GFRAL: variants seen among roughly 807,000 people sequenced by gnomAD.
GFRAL encodes GDNF family receptor alpha like.
Under a neutral mutation model 45.4 loss-of-function variants are expected in GFRAL, and 36 were observed. The ratio of observed to expected loss-of-function variants is 0.79; its 90% CI spans 0.61 to 1.05. The LOEUF (loss-of-function observed/expected upper bound fraction) is 1.05. Among genes scored for constraint, GFRAL ranks in the 50% least tolerant of loss-of-function variants. The pLI is 0.00. For missense variants in GFRAL, 507 were observed against 467.5 expected (o/e 1.08, Z -0.78); for synonymous variants, 166 against 154.1 (o/e 1.08, Z -0.57).
chr6:55,351,486 A>T lies in GFRAL; in HGVS notation c.604A>T (p.Lys202Ter). The T allele has an allele frequency of 6.2e-7, 1 of 1,613,610 alleles. No homozygotes were observed. The highest frequency in any genetic ancestry group is 8.5e-7 in the Non-Finnish European group (1 of 1,179,718). The change falls in exon 5 of 9, where the codon AAA (lysine) becomes TAA (stop). Residue 202 changes from lysine (K) to a stop codon, truncating the protein, a stop_gained. Coordinates refer to ENST00000340465, the MANE Select transcript of GFRAL (RefSeq NM_207410.2). LOFTEE classifies it high-confidence loss of function. ...ATCTGATATACCTTGTCAGCAGTCC[A>T]AAGAAGCTCTTCACAGCAAGACATG... ...AQSDIPCQQS[K>*]EALHSKTCAV... is the part of the protein sequence containing the mutation.
chr6:55,386,051 C>T (rs1204996158), intron 6 of GFRAL, among the ~76,000 whole-genome samples: 4 of 152,034 alleles, frequency 2.6e-5, no homozygotes, highest in Admixed American at 2.6e-4. Flanking sequence ...CCACCAATAA[C>T]TTTCCTTTCC....
At chr6:55,362,967 G>C (rs1404098001) in intron 6 of GFRAL, among the ~76,000 whole-genome samples, 3 of 150,362 alleles carry the variant, frequency 2.0e-5, no homozygotes, top group Non-Finnish European at 4.4e-5. Context: ...GAGGAGAAGG[G>C]GGAGGAGGGG....
rs563010794 is a variant in GFRAL at position 55,344,764 on chromosome 6, G to C, written c.317-5328G>C. Among the ~76,000 whole-genome samples the C allele has an allele frequency of 2.0e-5, 3 of 152,300 alleles. No individual in the cohort carries two copies. The South Asian group carries it at 6.2e-4, about 32-fold the overall frequency. ...GAAAGTCAAATTGTCCCTGTTTGCA[G>C]ATGACATGACTGTATATTTAGAAAA... On this transcript the variant is annotated intron_variant, in intron 3 of 8. Coordinates refer to ENST00000340465, the MANE Select transcript of GFRAL (RefSeq NM_207410.2).
At chr6:55,389,327 AG>A (rs1768718402) in intron 6 of GFRAL, among the ~76,000 whole-genome samples, 1 of 152,064 alleles carries the variant, frequency 6.6e-6, no homozygotes, top group Non-Finnish European at 1.5e-5. Flanking sequence ...GGTATAGAAA[AG>A]TATTTGAAAT....
chr6:55,335,918 T>TATTTC (rs1327957854), intron 3 of GFRAL, among the ~76,000 whole-genome samples: 1 of 146,960 alleles, frequency 6.8e-6, no homozygotes, highest in South Asian at 2.1e-4. Flanking sequence ...TATTTTATTT[T>TATTTC]ATTTTATTTT....
At chr6:55,372,645 G>A (rs900927420) in intron 6 of GFRAL, among the ~76,000 whole-genome samples, 5 of 152,090 alleles carry the variant, frequency 3.3e-5, no homozygotes, top group Admixed American at 1.3e-4. Flanking sequence ...TTTATGGTTC[G>A]ATGGTGGCAA....
Position 55,399,420 on chromosome 6 carries a change from T to C in GFRAL, c.1100T>C (p.Leu367Pro). Residue 367 changes from leucine to proline, a missense_variant, in exon 8 of 9, where the codon CTG becomes CCG. Coordinates refer to ENST00000340465, the MANE Select transcript of GFRAL (RefSeq NM_207410.2). ...MCMTVTCGIL[L>P]LVMVKLRTSR... ...ATGACAGTCACCTGTGGAATCCTTC[T>C]GTTGGTTATGGTCAAGCTTAGGTAA... The C allele has an allele frequency of 6.2e-7, 1 of 1,609,768 alleles. No individual in the cohort carries two copies. Among genetic ancestry groups the C allele is most frequent in the East Asian group, 2.2e-5 (1 of 44,790 alleles).
At chr6:55,362,280 A>C (rs1345591497) in intron 6 of GFRAL, among the ~76,000 whole-genome samples, 1 of 151,554 alleles carries the variant, frequency 6.6e-6, no homozygotes, top group Non-Finnish European at 1.5e-5. Flanking sequence ...TAATGAAAAA[A>C]AAAAAAACAG....
rs140324390 is a variant in GFRAL at position 55,359,072 on chromosome 6, A to C, written c.886A>C (p.Ile296Leu). 7 of 1,612,790 alleles carry C rather than the reference A, an allele frequency of 4.3e-6. No individual in the cohort carries two copies. In the African/African-American group the frequency reaches 6.7e-5, roughly 15 times the overall value. ...TCAAGTGCAATGTACCTGTAGGACCATTACACAAAGTGAGGAATCTTTGTG... is the reference window on the plus strand; with the variant it reads ...TCAAGTGCAATGTACCTGTAGGACCCTTACACAAAGTGAGGAATCTTTGTG... The part of the protein sequence containing the change: ...VLQVQCTCRT[I>L]TQSEESLCKI... Residue 296 changes from isoleucine to leucine, a missense_variant, in exon 6 of 9, where the codon ATT becomes CTT. By Grantham distance (5) the Ile-to-Leu change is conservative. Transcript: ENST00000340465.
rs757721146 is a variant in GFRAL, at chr6:55,351,471, C to T, written c.589C>T (p.Pro197Ser). 1.2e-6 allele frequency: 2 copies of T among 1,613,424 alleles called. No homozygotes were observed. The highest frequency in any genetic ancestry group is 1.7e-6 in the Non-Finnish European group (2 of 1,179,546). The change falls in exon 5 of 9, where the codon CCT (proline) becomes TCT (serine). Residue 197 changes from proline to serine, a missense_variant. By Grantham distance (74) the Pro-to-Ser change is moderately conservative (BLOSUM62 -1). Transcript: ENST00000340465. Reference sequence around the variant, plus strand: ...TTGTGACTGTGCTCAATCTGATATACCTTGTCAGCAGTCCAAAGAAGCTCT... The same window carrying T: ...TTGTGACTGTGCTCAATCTGATATATCTTGTCAGCAGTCCAAAGAAGCTCT... ...AFCDCAQSDI[P>S]CQQSKEALHS...
At chr6:55,348,233 A>AATGT (rs201532926) in intron 3 of GFRAL, among the ~76,000 whole-genome samples, 1,962 of 60,696 alleles carry the variant, frequency 0.032, 23 homozygotes, top group Non-Finnish European at 0.062. Context: ...TCTGGGAAAA[A>AATGT]ATGAGTGTGT....
At chr6:55,387,973 A>G (rs370940685) in intron 6 of GFRAL, among the ~76,000 whole-genome samples, 3 of 152,288 alleles carry the variant, frequency 2.0e-5, no homozygotes, top group East Asian at 3.9e-4. Flanking sequence ...AGAATGTAGA[A>G]TGGATGAAAG....
intron 3 of GFRAL, among the ~76,000 whole-genome samples, chr6:55,334,638 C>A (rs1007028850): frequency 6.6e-6 from 1 of 152,162 alleles, no homozygotes; most frequent in Non-Finnish European, 1.5e-5. Context: ...TCAACCTTCT[C>A]TCACTTTACA....
intron 6 of GFRAL, among the ~76,000 whole-genome samples, chr6:55,394,083 A>C (rs187578078): frequency 1.5e-3 from 233 of 152,260 alleles, no homozygotes; most frequent in Non-Finnish European, 2.0e-3. Flanking sequence ...GAAAGAAGGG[A>C]AAAAATCTAG....
chr6:55,350,443 G>A (rs559909901), intron 4 of GFRAL, among the ~76,000 whole-genome samples: 5 of 152,230 alleles, frequency 3.3e-5, no homozygotes, highest in African/African-American at 1.2e-4. Flanking sequence ...GGGAGGCTGA[G>A]GTAGGTGGAT....
intron 5 of GFRAL, among the ~76,000 whole-genome samples, chr6:55,355,649 A>G (rs903862349): frequency 6.6e-6 from 1 of 152,028 alleles, no homozygotes; most frequent in Non-Finnish European, 1.5e-5. Context: ...CTTTTCAAAT[A>G]TAAAATTATA....
rs376604042 is a variant in GFRAL, at chr6:55,376,246, T to C, written c.952+17108T>C. On this transcript the variant is annotated intron_variant, in intron 6 of 8. Coordinates refer to ENST00000340465, the MANE Select transcript of GFRAL (RefSeq NM_207410.2). The stretch of plus-strand genomic sequence containing the variant: ...GTGGATAAGATTTTTTTTGTGCTGC[T>C]GGATTCGGTTTGCCAATATTTAATT... 9.2e-5 allele frequency among the ~76,000 whole-genome samples: 14 copies of C among 152,280 alleles called. No homozygotes were observed. The East Asian group carries it at 1.7e-3, about 19-fold the overall frequency.
intron 6 of GFRAL, among the ~76,000 whole-genome samples, chr6:55,376,855 T>C (rs1000930100): frequency 2.6e-5 from 4 of 152,078 alleles, no homozygotes; most frequent in African/African-American, 9.7e-5. Flanking sequence ...GGATCTTGGT[T>C]ATTTCTTGTC....
chr6:55,356,183 T>A (rs1242833787), intron 5 of GFRAL, among the ~76,000 whole-genome samples: 2 of 152,016 alleles, frequency 1.3e-5, no homozygotes, highest in African/African-American at 2.4e-5. Flanking sequence ...TGTAGTTTAC[T>A]TTCCTTGGTA....
Sources: gnomAD v4.1 joint callset for allele counts (sites outside exome capture counted in the v4.1 genomes callset) on GRCh38, gnomAD v4.1.1 for gene constraint, MANE v1.5 for transcripts, NCBI Gene and HGNC (gene_info 2026-07-23, HGNC 2026-07-21) for gene names.